BABAM2: variants seen among roughly 807,000 people sequenced by gnomAD.
The protein encoded by BABAM2 is BRISC and BRCA1-A complex member 2.
A neutral mutation model predicts 54.7 loss-of-function variants in BABAM2; 31 were observed. That is an observed-to-expected ratio of 0.57 (90% confidence interval 0.43 to 0.77). The LOEUF (loss-of-function observed/expected upper bound fraction) is 0.77. BABAM2 is among the 30% of genes least tolerant of loss of function. BABAM2 has a pLI of 0.00. For synonymous variants in BABAM2, 167 were observed against 162.9 expected (o/e 1.03, Z -0.19); for missense variants, 364 against 455.8 (o/e 0.80, Z 1.83).
At chr2:28,042,399 A>G (rs542232071) in intron 5 of BABAM2, among the ~76,000 whole-genome samples, 24 of 152,332 alleles carry the variant, frequency 1.6e-4, no homozygotes, top group African/African-American at 2.9e-4. Flanking sequence ...CCAATCTCCA[A>G]TGTTCAAGGA....
intron 7 of BABAM2, among the ~76,000 whole-genome samples, chr2:28,139,321 C>CA (rs768755922): frequency 0.016 from 1,428 of 86,772 alleles, 59 homozygotes; most frequent in African/African-American, 0.054. Context: ...AACTCCGTCT[C>CA]AAAAAAAAAA....
intron 4 of BABAM2, among the ~76,000 whole-genome samples, chr2:28,008,889 C>T (rs917042450): frequency 5.9e-5 from 9 of 152,098 alleles, no homozygotes; most frequent in Non-Finnish European, 1.3e-4. Flanking sequence ...ATGTTCTTCC[C>T]CCCTGGATAT....
chr2:27,966,799 C>A (rs1338567409), intron 3 of BABAM2, among the ~76,000 whole-genome samples: 1 of 152,106 alleles, frequency 6.6e-6, no homozygotes, highest in East Asian at 1.9e-4. Flanking sequence ...TAGCTTGAAC[C>A]ATTCTCCTCT....
At chr2:28,231,205 GTGTC>G (rs755620731) in intron 7 of BABAM2, among the ~76,000 whole-genome samples, 149 of 152,270 alleles carry the variant, frequency 9.8e-4, no homozygotes, top group Non-Finnish European at 1.2e-3. Context: ...GCCCAGTAGA[GTGTC>G]TGGCAAAAGT....
At chr2:28,286,182 C>G (rs1198604412) in intron 10 of BABAM2, among the ~76,000 whole-genome samples, 2 of 152,050 alleles carry the variant, frequency 1.3e-5, no homozygotes, top group Non-Finnish European at 2.9e-5. Context: ...TCTCGAACTC[C>G]TGACCTCGTG....
chr2:28,186,735 T>G (rs1166064145), intron 7 of BABAM2, among the ~76,000 whole-genome samples: 1 of 151,670 alleles, frequency 6.6e-6, no homozygotes, highest in Non-Finnish European at 1.5e-5. Flanking sequence ...GAAACAGTAG[T>G]GAAGAAGAGT....
At position 27,988,005 on chromosome 2, in the gene BABAM2, T is replaced by C. The variant is rs1419803244; in HGVS notation, c.218T>C (p.Phe73Ser). The change falls in exon 4 of 12, where the codon TTC (phenylalanine) becomes TCC (serine). Residue 73 changes from phenylalanine to serine, a missense_variant. Phe to Ser is a radical substitution (Grantham distance 155). Transcript: ENST00000379624. ...AGETLKWDIIFNAQYPELPPD... is the reference protein window; with the variant it reads ...AGETLKWDIISNAQYPELPPD... ...TCTTTTATTTCAGGGGATATCATTT[T>C]CAATGCCCAATACCCAGAACTGCCT... 6.2e-7 allele frequency: 1 copy of C among 1,612,430 alleles called. No homozygotes were observed.
Position 28,068,417 on chromosome 2 carries a change from A to T in BABAM2, c.570+22618A>T, listed in dbSNP as rs182664044. ...TTTGTTAAGAATACATAAAATACTG[A>T]GTTTATAACTCTGTGGTAGATCTGG... On this transcript the variant is annotated intron_variant, in intron 6 of 11. Coordinates refer to ENST00000379624, the MANE Select transcript of BABAM2 (RefSeq NM_199191.3). Among the ~76,000 whole-genome samples, 152 of 152,308 alleles carry T rather than the reference A, an allele frequency of 1.0e-3. 1 individual carries two copies. The highest frequency in any genetic ancestry group is 3.5e-3 in the African/African-American group (144 of 41,570).
At chr2:27,981,183 CAG>C (rs1671970675) in intron 3 of BABAM2, among the ~76,000 whole-genome samples, 1 of 152,018 alleles carries the variant, frequency 6.6e-6, no homozygotes, top group African/African-American at 2.4e-5. Flanking sequence ...GGGCTCATTG[CAG>C]AGTTCTTTTA....
intron 6 of BABAM2, among the ~76,000 whole-genome samples, chr2:28,084,130 G>A (rs1227054350): frequency 2.6e-5 from 4 of 152,088 alleles, no homozygotes; most frequent in African/African-American, 7.2e-5. Context: ...TTGTACACAT[G>A]GATGATAGAG....
At chr2:28,219,618 C>T (rs1680214540) in intron 7 of BABAM2, among the ~76,000 whole-genome samples, 1 of 150,968 alleles carries the variant, frequency 6.6e-6, no homozygotes, top group Non-Finnish European at 1.5e-5. Flanking sequence ...TACCTGTGTT[C>T]AAGGCTTGTG....
chr2:28,261,422 C>G (rs370110766), intron 10 of BABAM2, among the ~76,000 whole-genome samples: 1 of 151,572 alleles, frequency 6.6e-6, no homozygotes, highest in Non-Finnish European at 1.5e-5. Context: ...CTCCACCTCC[C>G]GGGTTCATGG....
chr2:28,018,781 G>A (rs1019914818), intron 4 of BABAM2, among the ~76,000 whole-genome samples: 1 of 152,082 alleles, frequency 6.6e-6, no homozygotes, highest in Non-Finnish European at 1.5e-5. Context: ...CCAAATGCTT[G>A]TTGGCCATTT....
At chr2:28,120,952 T>C (rs1007731534) in intron 6 of BABAM2, among the ~76,000 whole-genome samples, 1 of 152,214 alleles carries the variant, frequency 6.6e-6, no homozygotes, top group Non-Finnish European at 1.5e-5. Flanking sequence ...GTTCTGCTAA[T>C]GTATAAAGAG....
chr2:28,071,601 T>C (rs115201908), intron 6 of BABAM2, among the ~76,000 whole-genome samples: 74 of 152,344 alleles, frequency 4.9e-4, no homozygotes, highest in African/African-American at 1.8e-3. Flanking sequence ...ATGGTGATAC[T>C]ATAATTTTAT....
At chr2:28,198,364 C>T (rs940144207) in intron 7 of BABAM2, among the ~76,000 whole-genome samples, 1 of 152,110 alleles carries the variant, frequency 6.6e-6, no homozygotes, top group African/African-American at 2.4e-5. Flanking sequence ...GACGGGGTTT[C>T]ACCATATTAG....
intron 11 of BABAM2, among the ~76,000 whole-genome samples, chr2:28,306,227 A>G (rs1036614555): frequency 1.3e-5 from 2 of 152,216 alleles, no homozygotes; most frequent in Admixed American, 1.3e-4. Flanking sequence ...CTATATATAC[A>G]TTAACTAAGT....
At chr2:27,929,051 T>TAAAA (rs374733074) in intron 2 of BABAM2, among the ~76,000 whole-genome samples, 1 of 114,606 alleles carries the variant, frequency 8.7e-6, no homozygotes, top group African/African-American at 3.4e-5. Context: ...CCTCCTCTCT[T>TAAAA]AAAAAAAAAA....
intron 3 of BABAM2, among the ~76,000 whole-genome samples, chr2:27,942,858 C>T (rs947948949): frequency 2.7e-5 from 4 of 150,664 alleles, no homozygotes; most frequent in African/African-American, 9.8e-5. Flanking sequence ...TGTGGCCCAG[C>T]CTGGAGTGCA....
Sources: gnomAD v4.1 joint callset for allele counts (sites outside exome capture counted in the v4.1 genomes callset) on GRCh38, gnomAD v4.1.1 for gene constraint, MANE v1.5 for transcripts, NCBI Gene and HGNC (gene_info 2026-07-23, HGNC 2026-07-21) for gene names.